The following CUX1 variants were observed in gnomAD, a reference collection of about 807,000 sequenced individuals.
CUX1 encodes cut like homeobox 1.
CUX1 carries 31 observed loss-of-function variants against 158.8 expected under a neutral mutation model. The ratio of observed to expected loss-of-function variants is 0.20; its 90% CI spans 0.15 to 0.26. CUX1 has a LOEUF of 0.26. CUX1 is among the 10% of genes least tolerant of loss of function. The pLI is 1.00. For synonymous variants in CUX1, 879 were observed against 862.1 expected, an observed-to-expected ratio of 1.02 and a Z score of -0.34; for missense variants, 1,589 against 2,014.6, an observed-to-expected ratio of 0.79 and a Z score of 4.04.
chr7:101,836,684 CAA>C (rs71755816), intron 1 of CUX1, among the ~76,000 whole-genome samples: 4 of 77,804 alleles, frequency 5.1e-5, no homozygotes, highest in Admixed American at 1.6e-4. Flanking sequence ...GACTCCTTCT[CAA>C]AAAAAAAAAA....
rs147218574 is a variant in CUX1 at position 101,994,446 on chromosome 7, C to G, written c.142-33652C>G. Among the ~76,000 whole-genome samples the G allele has an allele frequency of 9.1e-3, 1,390 of 152,144 alleles. 18 individuals carry two copies. Among genetic ancestry groups the G allele is most frequent in the African/African-American group, 0.032 (1,316 of 41,494 alleles). On this transcript the variant is annotated intron_variant, in intron 2 of 23. Coordinates refer to ENST00000292535, the MANE Select transcript of CUX1 (RefSeq NM_181552.4). Reference sequence around the variant, plus strand: ...TGGTACCCCGTCTCTATTAAAAATACAAAAATTAGCCAGGTGTGGTGGCAC... The same window carrying G: ...TGGTACCCCGTCTCTATTAAAAATAGAAAAATTAGCCAGGTGTGGTGGCAC...
At chr7:102,283,378 T>G in exon 23 of CUX1, 1 of 443,120 alleles carries the variant, frequency 2.3e-6, no homozygotes, top group Non-Finnish European at 4.2e-6. Flanking sequence ...GCCTGACCTC[T>G]AGCCCTGGTG....
chr7:101,816,363 C>T (rs933581394), upstream of CUX1, among the ~76,000 whole-genome samples: 10 of 144,028 alleles, frequency 6.9e-5, no homozygotes, highest in Admixed American at 3.4e-4. Context: ...GCCACCACTG[C>T]CCCCGGTGTC....
intron 4 of CUX1, among the ~76,000 whole-genome samples, chr7:102,096,988 G>T (rs1328854618): frequency 6.6e-6 from 1 of 152,202 alleles, no homozygotes; most frequent in African/African-American, 2.4e-5. Flanking sequence ...GGACTTGTCC[G>T]TCCTCCACGT....
At chr7:102,220,441 C>G (rs1223227500) in intron 20 of CUX1, among the ~76,000 whole-genome samples, 1 of 152,228 alleles carries the variant, frequency 6.6e-6, no homozygotes, top group Admixed American at 6.5e-5. Flanking sequence ...GCGTAAACCA[C>G]CAGGGGGTGT....
At chr7:101,894,147 G>A (rs1801205581) in intron 1 of CUX1, among the ~76,000 whole-genome samples, 2 of 152,142 alleles carry the variant, frequency 1.3e-5, no homozygotes, top group Non-Finnish European at 2.9e-5. Flanking sequence ...ATAGTGGGTC[G>A]CCAAGTAGGA....
chr7:102,028,544 A>C (rs1820329289), intron 3 of CUX1, among the ~76,000 whole-genome samples: 1 of 152,176 alleles, frequency 6.6e-6, no homozygotes, highest in South Asian at 2.1e-4. Flanking sequence ...CTTTGCTGAG[A>C]GGCTGGCGGG....
In CUX1 at chr7:101,948,678, G is replaced by C. The variant is rs113767694; in HGVS notation, c.141+32453G>C. Among the ~76,000 whole-genome samples, 1,193 of 152,276 alleles carry C rather than the reference G, an allele frequency of 7.8e-3. 18 individuals carry two copies. The highest frequency in any genetic ancestry group is 0.026 in the African/African-American group (1,075 of 41,548). On this transcript the variant is annotated intron_variant, in intron 2 of 23. Coordinates refer to ENST00000292535, the MANE Select transcript of CUX1 (RefSeq NM_181552.4). ...TACTGGTTGGTGGCTCTGCTGGGGG[G>C]GCATCACAGAGTCTCTCTTCTCTGA...
intron 2 of CUX1, among the ~76,000 whole-genome samples, chr7:101,977,975 T>C (rs1252791246): frequency 4.6e-5 from 7 of 151,838 alleles, no homozygotes; most frequent in East Asian, 1.9e-4. Flanking sequence ...GTTTTTTTTT[T>C]CCCTGACCCC....
chr7:101,912,903 C>T (rs919406287), intron 1 of CUX1, among the ~76,000 whole-genome samples: 4 of 152,178 alleles, frequency 2.6e-5, no homozygotes, highest in African/African-American at 4.8e-5. Context: ...CCTTCTCACA[C>T]GTGACCCGTG....
At chr7:101,939,110 T>C (rs1309198104) in intron 2 of CUX1, among the ~76,000 whole-genome samples, 2 of 88,942 alleles carry the variant, frequency 2.2e-5, no homozygotes, top group African/African-American at 4.2e-5. Flanking sequence ...TATATATATA[T>C]ATATGATGGT....
At chr7:102,062,356 C>T (rs1824984135) in intron 3 of CUX1, among the ~76,000 whole-genome samples, 1 of 152,224 alleles carries the variant, frequency 6.6e-6, no homozygotes, top group Admixed American at 6.5e-5. Context: ...GCCGTGCTGG[C>T]ACTCACATGG....
intron 8 of CUX1, among the ~76,000 whole-genome samples, chr7:102,148,246 A>G (rs1554502633): frequency 6.6e-6 from 1 of 152,112 alleles, no homozygotes; most frequent in Admixed American, 6.5e-5. Context: ...GAAACAGAAC[A>G]GGACTAAAGA....
chr7:101,897,887 A>G (rs1801686307), intron 1 of CUX1, among the ~76,000 whole-genome samples: 1 of 152,164 alleles, frequency 6.6e-6, no homozygotes, highest in Non-Finnish European at 1.5e-5. Context: ...GCTGGATTTT[A>G]TCAATAGTTT....
In CUX1 at chr7:101,901,368, A is replaced by G. The variant is rs760381707; in HGVS notation, c.31-14747A>G. Among the ~76,000 whole-genome samples the G allele has an allele frequency of 1.2e-4, 19 of 152,062 alleles. 1 individual carries two copies. The highest frequency in any genetic ancestry group is 1.3e-4 in the Admixed American group (2 of 15,274). Reference sequence around the variant, plus strand: ...GAGTGCAGTGGTGTGAACTTGGTTCACTGCAACCTCCGCCCCTAGGGTTCT... The same window carrying G: ...GAGTGCAGTGGTGTGAACTTGGTTCGCTGCAACCTCCGCCCCTAGGGTTCT... On this transcript the variant is annotated intron_variant, in intron 1 of 23. Coordinates refer to ENST00000292535, the MANE Select transcript of CUX1 (RefSeq NM_181552.4).
At chr7:101,838,058 A>T (rs911153228) in intron 1 of CUX1, among the ~76,000 whole-genome samples, 2 of 151,324 alleles carry the variant, frequency 1.3e-5, no homozygotes, top group Non-Finnish European at 2.9e-5. Context: ...TTTTGTGTGT[A>T]TACGTGGTTT....
At chr7:101,911,789 C>T (rs904533944) in intron 1 of CUX1, among the ~76,000 whole-genome samples, 4 of 152,344 alleles carry the variant, frequency 2.6e-5, no homozygotes, top group African/African-American at 4.8e-5. Context: ...TGCCGTCCAG[C>T]GAGTGCTGGG....
intron 2 of CUX1, among the ~76,000 whole-genome samples, chr7:102,006,968 C>T (rs1035738113): frequency 7.2e-5 from 11 of 152,084 alleles, no homozygotes; most frequent in Non-Finnish European, 1.2e-4. Flanking sequence ...GTAGATTTCG[C>T]CAGCGCGGGC....
chr7:102,148,327 T>C (rs1554502655), intron 8 of CUX1, among the ~76,000 whole-genome samples: 2 of 151,988 alleles, frequency 1.3e-5, no homozygotes, highest in Non-Finnish European at 2.9e-5. Context: ...TCACCTGAGG[T>C]CAAGAGTTCG....
Sources: gnomAD v4.1 joint callset for allele counts (sites outside exome capture counted in the v4.1 genomes callset) on GRCh38, gnomAD v4.1.1 for gene constraint, MANE v1.5 for transcripts, NCBI Gene and HGNC (gene_info 2026-07-23, HGNC 2026-07-21) for gene names.